Variants in PPFIA2 observed in about 807,000 individuals in gnomAD.
PPFIA2 encodes the protein liprin-alpha-2.
In PPFIA2, 46 loss-of-function variants were observed where a neutral mutation model predicts 175.5. The ratio of observed to expected loss-of-function variants is 0.26; its 90% CI spans 0.21 to 0.34. The LOEUF (loss-of-function observed/expected upper bound fraction) is 0.34. PPFIA2 is among the 10% of genes least tolerant of loss of function. The probability of loss-of-function intolerance (pLI) is 1.00; values close to 1 mark genes in which losing one functional copy is unlikely to be tolerated. For synonymous variants in PPFIA2, 568 were observed against 511.4 expected (o/e 1.11, Z -1.49); for missense variants, 1,179 against 1,506.1 (o/e 0.78, Z 3.60).
intron 3 of PPFIA2, among the ~76,000 whole-genome samples, chr12:81,734,155 G>A (rs1456114490): frequency 6.6e-6 from 1 of 151,794 alleles, no homozygotes; most frequent in Non-Finnish European, 1.5e-5. Context: ...TGTGGTGAAA[G>A]TGATAGGTGC....
At chr12:81,338,283 C>T (rs1464515364) in intron 21 of PPFIA2, among the ~76,000 whole-genome samples, 1 of 152,062 alleles carries the variant, frequency 6.6e-6, no homozygotes, top group Non-Finnish European at 1.5e-5. Flanking sequence ...GAGTTTAATT[C>T]TTTCCCAATA....
intron 7 of PPFIA2, among the ~76,000 whole-genome samples, chr12:81,421,370 TCTAA>T (rs770400643): frequency 8.1e-4 from 123 of 151,984 alleles, no homozygotes; most frequent in Admixed American, 3.2e-3. Flanking sequence ...AAAAAGAAAC[TCTAA>T]CTACAAGAAC....
chr12:81,559,813 T>G (rs199850269), intron 4 of PPFIA2, among the ~76,000 whole-genome samples: 3,455 of 151,928 alleles, frequency 0.023, 107 homozygotes, highest in East Asian at 0.098. Context: ...TGTTTTTTTT[T>G]TTGTTGTTGT....
At position 81,593,618 on chromosome 12, in the gene PPFIA2, CAAAT is replaced by C. The variant is rs530935568; in HGVS notation, c.303+83169_303+83172del. Reference sequence around the variant, plus strand: ...AAATTTGTTTTGGTAGCAGTATGAACAAATAAAGAGGATTTTTTACAAAAGGCAT... The same window carrying C: ...AAATTTGTTTTGGTAGCAGTATGAACAAAGAGGATTTTTTACAAAAGGCAT... On this transcript the variant is annotated intron_variant, in intron 4 of 32. Coordinates refer to ENST00000549396, the MANE Select transcript of PPFIA2 (RefSeq NM_003625.5). Among the ~76,000 whole-genome samples the C allele has an allele frequency of 2.9e-3, 435 of 152,098 alleles. 2 individuals carry two copies. The highest frequency in any genetic ancestry group is 0.014 in the Middle Eastern group (4 of 294).
intron 4 of PPFIA2, among the ~76,000 whole-genome samples, chr12:81,638,179 T>A (rs1271014665): frequency 1.3e-5 from 2 of 152,188 alleles, no homozygotes; most frequent in Non-Finnish European, 2.9e-5. Context: ...TAATATTGAC[T>A]TTAACTCTTG....
chr12:81,361,726 T>G (rs2030479848), intron 15 of PPFIA2, among the ~76,000 whole-genome samples: 1 of 151,616 alleles, frequency 6.6e-6, no homozygotes, highest in African/African-American at 2.4e-5. Context: ...GTTGAGATTA[T>G]GGTAGTTATC....
At chr12:81,396,665 T>C (rs1315435479) in intron 8 of PPFIA2, among the ~76,000 whole-genome samples, 1 of 152,100 alleles carries the variant, frequency 6.6e-6, no homozygotes, top group Non-Finnish European at 1.5e-5. Flanking sequence ...ACATGCACCA[T>C]ATAAATATGC....
At chr12:81,515,144 A>C (rs2062257409) in intron 4 of PPFIA2, among the ~76,000 whole-genome samples, 1 of 152,016 alleles carries the variant, frequency 6.6e-6, no homozygotes, top group African/African-American at 2.4e-5. Flanking sequence ...AATAAAAAAC[A>C]AACTGCCAAT....
chr12:81,586,550 TA>T (rs1438670398), intron 4 of PPFIA2, among the ~76,000 whole-genome samples: 1 of 151,194 alleles, frequency 6.6e-6, no homozygotes, highest in Non-Finnish European at 1.5e-5. Context: ...ACTATAAAAC[TA>T]AGATGGTAAT....
intron 4 of PPFIA2, among the ~76,000 whole-genome samples, chr12:81,585,431 T>C (rs2075166831): frequency 6.6e-6 from 1 of 151,916 alleles, no homozygotes; most frequent in Non-Finnish European, 1.5e-5. Context: ...ATAAACACAT[T>C]GTATAGCTGG....
intron 8 of PPFIA2, among the ~76,000 whole-genome samples, chr12:81,397,469 T>C (rs1268578976): frequency 6.6e-6 from 1 of 152,034 alleles, no homozygotes; most frequent in East Asian, 1.9e-4. Flanking sequence ...ATTAACTATG[T>C]CATATACTGC....
intron 4 of PPFIA2, among the ~76,000 whole-genome samples, chr12:81,548,974 C>A (rs1159818054): frequency 6.6e-6 from 1 of 152,034 alleles, no homozygotes; most frequent in African/African-American, 2.4e-5. Context: ...TATTTCAAAG[C>A]TTTCATTGGT....
chr12:81,537,540 C>T (rs1419184701), intron 4 of PPFIA2, among the ~76,000 whole-genome samples: 1 of 151,816 alleles, frequency 6.6e-6, no homozygotes, highest in Non-Finnish European at 1.5e-5. Flanking sequence ...TCTTGCCCTT[C>T]ACACCAATGT....
chr12:81,488,586 T>G (rs2059098008), intron 4 of PPFIA2, among the ~76,000 whole-genome samples: 2 of 151,832 alleles, frequency 1.3e-5, no homozygotes, highest in Admixed American at 6.6e-5. Flanking sequence ...CTTAAGACAC[T>G]GATTTTACTA....
intron 4 of PPFIA2, among the ~76,000 whole-genome samples, chr12:81,617,167 C>T (rs1360057053): frequency 1.3e-5 from 2 of 152,112 alleles, no homozygotes; most frequent in African/African-American, 4.8e-5. Context: ...ATGTCATTGC[C>T]ACCCTAGTCA....
At chr12:81,629,809 A>C (rs977267982) in intron 4 of PPFIA2, among the ~76,000 whole-genome samples, 2 of 152,172 alleles carry the variant, frequency 1.3e-5, no homozygotes, top group African/African-American at 4.8e-5. Flanking sequence ...GAGCCACTAC[A>C]CAGGATTTCT....
intron 4 of PPFIA2, among the ~76,000 whole-genome samples, chr12:81,485,157 G>T (rs996078376): frequency 1.3e-5 from 2 of 151,738 alleles, no homozygotes; most frequent in Non-Finnish European, 2.9e-5. Flanking sequence ...TGAAGTTTTT[G>T]CTTGTCTTCA....
At chr12:81,657,836 C>A (rs541120758) in intron 4 of PPFIA2, among the ~76,000 whole-genome samples, 2 of 152,256 alleles carry the variant, frequency 1.3e-5, no homozygotes, top group Admixed American at 1.3e-4. Context: ...CCTGGTTCAA[C>A]ATCTACCTCT....
intron 22 of PPFIA2, chr12:81,302,710 A>T (rs539791618): frequency 3.5e-5 from 16 of 453,070 alleles, no homozygotes; most frequent in South Asian, 2.5e-4. Flanking sequence ...TGAGAGAAGT[A>T]ACAATTATTT....
Sources: gnomAD v4.1 joint callset for allele counts (sites outside exome capture counted in the v4.1 genomes callset) on GRCh38, gnomAD v4.1.1 for gene constraint, MANE v1.5 for transcripts, NCBI Gene and HGNC (gene_info 2026-07-23, HGNC 2026-07-21) for gene names.